Variants in RHOU observed in about 807,000 individuals in gnomAD.
RHOU encodes ras homolog family member U.
Under a neutral mutation model 12.6 loss-of-function variants are expected in RHOU, and 8 were observed. The ratio of observed to expected loss-of-function variants is 0.64; its 90% CI spans 0.37 to 1.15. RHOU has a LOEUF of 1.15. Ranked by LOEUF, RHOU falls within the 50% of genes most tolerant of loss-of-function variation. The pLI, the probability that RHOU is intolerant of heterozygous loss-of-function variation, is 0.01. For synonymous variants in RHOU, 161 were observed against 147.4 expected (o/e 1.09, Z -0.67); for missense variants, 258 against 347.0 (o/e 0.74, Z 2.04).
chr1:228,679,703 G>A, the RHOU span, among the ~76,000 whole-genome samples: 3 of 152,060 alleles, frequency 2.0e-5, no homozygotes, highest in Admixed American at 6.6e-5. Context: ...TCCTTTTAAA[G>A]CATGCGGTGG....
At chr1:228,687,736 C>G in the RHOU span, 1 of 1,435,500 alleles carries the variant, frequency 7.0e-7, no homozygotes, top group Non-Finnish European at 9.7e-7. Context: ...GAGCACGTGA[C>G]CAACTTGTGC....
chr1:228,659,552 TC>T, the RHOU span, among the ~76,000 whole-genome samples: 1 of 143,890 alleles, frequency 6.9e-6, no homozygotes, highest in Non-Finnish European at 1.5e-5. Flanking sequence ...AAGGAGAAAA[TC>T]AACAAAACCA....
chr1:228,724,088 T>C, the RHOU span, among the ~76,000 whole-genome samples: 3 of 152,246 alleles, frequency 2.0e-5, no homozygotes, highest in African/African-American at 4.8e-5. Flanking sequence ...TTACATCATT[T>C]ATTTATTTTG....
chr1:228,731,779 G>C (rs1558083849), upstream of RHOU, among the ~76,000 whole-genome samples: 2 of 151,988 alleles, frequency 1.3e-5, no homozygotes, highest in Non-Finnish European at 2.9e-5. Flanking sequence ...GGAGGTGTTG[G>C]GGGTAGGTAG....
chr1:228,659,647 A>G, the RHOU span, among the ~76,000 whole-genome samples: 1 of 152,108 alleles, frequency 6.6e-6, no homozygotes, highest in South Asian at 2.1e-4. Context: ...AATTACTAAA[A>G]TCAGAAATGG....
chr1:228,701,742 TTAAG>T, the RHOU span, among the ~76,000 whole-genome samples: 1 of 151,836 alleles, frequency 6.6e-6, no homozygotes, highest in South Asian at 2.1e-4. Flanking sequence ...AAAATAATAT[TTAAG>T]TAACTTCTAA....
Position 228,737,837 on chromosome 1 carries a change from C to G in RHOU, c.321+106C>G, listed in dbSNP as rs1662640572. 13 of 1,237,780 alleles carry G rather than the reference C, an allele frequency of 1.1e-5. 1 individual carries two copies. Among genetic ancestry groups the G allele is most frequent in the Non-Finnish European group, 1.4e-5 (12 of 855,546 alleles). The allele number at this position is 1,237,780 out of a possible 1,614,324, so 76.7% of individuals were successfully genotyped here. A position where few individuals can be genotyped will look rare whatever the true frequency, so the allele number is the denominator to read the frequency against. ...CAGTAACTGGGTCATTCTAAAGCCT[C>G]ATGAAGTGGACCCACCCCTGCTGTT... is the stretch of plus-strand genomic sequence containing the variant. On this transcript the variant is annotated intron_variant, in intron 2 of 2. Coordinates refer to ENST00000366691, the MANE Select transcript of RHOU (RefSeq NM_021205.6). This position sits in a 1 kb window ranked among gnomAD's most constrained non-coding sequence, Gnocchi z 4.1.
chr1:228,646,958 G>A, the RHOU span, among the ~76,000 whole-genome samples: 59 of 152,258 alleles, frequency 3.9e-4, no homozygotes, highest in African/African-American at 1.3e-3. Flanking sequence ...AAGAGGGACA[G>A]AGAAAGGGAG....
the RHOU span, among the ~76,000 whole-genome samples, chr1:228,704,872 A>C: frequency 2.6e-5 from 4 of 151,552 alleles, no homozygotes; most frequent in Non-Finnish European, 5.9e-5. Context: ...GAGCGATCTC[A>C]GTTCACTGCA....
At chr1:228,731,969 G>C (rs1662508027), upstream of RHOU, among the ~76,000 whole-genome samples, 1 of 152,184 alleles carries the variant, frequency 6.6e-6, no homozygotes, top group Non-Finnish European at 1.5e-5. Context: ...TCTTAAAACT[G>C]AGCAAAGACA....
the RHOU span, among the ~76,000 whole-genome samples, chr1:228,720,679 G>A: frequency 2.0e-5 from 3 of 152,204 alleles, no homozygotes; most frequent in Admixed American, 1.3e-4. Context: ...AAAACTGTGA[G>A]AAAATAAATT....
the RHOU span, among the ~76,000 whole-genome samples, chr1:228,711,728 C>T: frequency 6.6e-6 from 1 of 150,858 alleles, no homozygotes; most frequent in Non-Finnish European, 1.5e-5. Context: ...CTAGGCATTA[C>T]CATTCAGGAC....
chr1:228,647,629 G>C, the RHOU span, among the ~76,000 whole-genome samples: 2 of 152,202 alleles, frequency 1.3e-5, no homozygotes, highest in Admixed American at 6.5e-5. Context: ...GAATTGCCTG[G>C]TGGATCCGGG....
At chr1:228,646,747 C>A in the RHOU span, among the ~76,000 whole-genome samples, 1 of 151,994 alleles carries the variant, frequency 6.6e-6, no homozygotes, top group African/African-American at 2.4e-5. Context: ...CACACACAGA[C>A]ACACCCGTTC....
chr1:228,683,870 T>C, the RHOU span, among the ~76,000 whole-genome samples: 1 of 152,166 alleles, frequency 6.6e-6, no homozygotes, highest in Non-Finnish European at 1.5e-5. Flanking sequence ...CTGTGCAGCA[T>C]GGGAGGGAGA....
the RHOU span, among the ~76,000 whole-genome samples, chr1:228,720,161 C>T: frequency 6.6e-6 from 1 of 151,892 alleles, no homozygotes. Context: ...GACCCCGTCT[C>T]TACAGAAAAT....
chr1:228,724,609 GC>G, the RHOU span, among the ~76,000 whole-genome samples: 1 of 152,066 alleles, frequency 6.6e-6, no homozygotes, highest in Non-Finnish European at 1.5e-5. Flanking sequence ...GAGTCACCAG[GC>G]CCAGCGAGGT....
chr1:228,700,984 G>A, the RHOU span, among the ~76,000 whole-genome samples: 1 of 152,138 alleles, frequency 6.6e-6, no homozygotes, highest in Non-Finnish European at 1.5e-5. Context: ...AGCTACCTGG[G>A]AGGCTGAGGT....
chr1:228,722,826 T>C, the RHOU span, among the ~76,000 whole-genome samples: 1 of 152,170 alleles, frequency 6.6e-6, no homozygotes, highest in Non-Finnish European at 1.5e-5. Flanking sequence ...TTTCACCACG[T>C]TGGCCAGGAT....
Sources: allele counts gnomAD v4.1 joint callset (sites outside exome capture counted in the v4.1 genomes callset), GRCh38; gene constraint gnomAD v4.1.1; non-coding constraint Gnocchi (gnomAD v3.1); transcripts MANE v1.5; gene names NCBI Gene and HGNC (gene_info 2026-07-23, HGNC 2026-07-21).